Variants in CSMD1 observed in about 807,000 individuals in gnomAD.
CSMD1 encodes CUB and Sushi multiple domains 1, also known as CUB and sushi domain-containing protein 1.
In CSMD1, 213 loss-of-function variants were observed where a neutral mutation model predicts 417.5. The ratio of observed to expected loss-of-function variants is 0.51; its 90% CI spans 0.46 to 0.57. CSMD1 has a LOEUF of 0.57. CSMD1 is among the 20% of genes least tolerant of loss of function. The pLI is 0.00. For missense variants in CSMD1, 6,923 were observed against 4,529.7 expected, an observed-to-expected ratio of 1.53 and a Z score of -15.17; for synonymous variants, 2,862 against 1,736.8, an observed-to-expected ratio of 1.65 and a Z score of -16.11.
chr8:4,488,530 G>A (rs762955853), intron 2 of CSMD1, among the ~76,000 whole-genome samples: 4 of 152,124 alleles, frequency 2.6e-5, no homozygotes, highest in Non-Finnish European at 5.9e-5. Context: ...TTTCTACAAT[G>A]TTTTTAAACT....
intron 49 of CSMD1, among the ~76,000 whole-genome samples, chr8:3,067,011 T>G (rs908082815): frequency 2.0e-5 from 3 of 152,146 alleles, no homozygotes; most frequent in Admixed American, 6.6e-5. Flanking sequence ...TTTCAGAGGT[T>G]AACTGATTTA....
chr8:3,240,779 T>C (rs369130315), intron 26 of CSMD1, among the ~76,000 whole-genome samples: 2 of 152,122 alleles, frequency 1.3e-5, no homozygotes, highest in Non-Finnish European at 2.9e-5. Flanking sequence ...ACTGGGTGGA[T>C]AGGCAAAACA....
At chr8:2,976,591 C>T (rs757917632) in intron 55 of CSMD1, among the ~76,000 whole-genome samples, 1 of 152,160 alleles carries the variant, frequency 6.6e-6, no homozygotes, top group Non-Finnish European at 1.5e-5. Flanking sequence ...TCAAGAGATC[C>T]ACCTTCCCTG....
intron 3 of CSMD1, among the ~76,000 whole-genome samples, chr8:4,107,844 C>G (rs1206437386): frequency 6.6e-6 from 1 of 152,214 alleles, no homozygotes; most frequent in Non-Finnish European, 1.5e-5. Flanking sequence ...ACAGGCTGCA[C>G]ATTCTCTCTG....
At chr8:3,584,550 C>T (rs1800518793) in intron 9 of CSMD1, among the ~76,000 whole-genome samples, 1 of 152,046 alleles carries the variant, frequency 6.6e-6, no homozygotes, top group Non-Finnish European at 1.5e-5. Flanking sequence ...TGTGTGATAT[C>T]TTTGGGATAG....
At chr8:4,414,064 G>C (rs546916960) in intron 3 of CSMD1, among the ~76,000 whole-genome samples, 2 of 152,190 alleles carry the variant, frequency 1.3e-5, no homozygotes, top group East Asian at 1.9e-4. Context: ...CCTGCCAGGT[G>C]CATCATGCAT....
intron 5 of CSMD1, among the ~76,000 whole-genome samples, chr8:3,802,704 CT>C (rs1165328521): frequency 6.6e-6 from 1 of 152,144 alleles, no homozygotes; most frequent in Non-Finnish European, 1.5e-5. Context: ...AAATATAGTG[CT>C]TGACAATTTT....
At chr8:3,216,100 G>T (rs1382708005) in intron 29 of CSMD1, among the ~76,000 whole-genome samples, 1 of 150,380 alleles carries the variant, frequency 6.6e-6, no homozygotes, top group East Asian at 1.9e-4. Context: ...GAGATTAAAT[G>T]ATACATATAT....
At chr8:2,948,215 A>G (rs1802385610) in intron 68 of CSMD1, among the ~76,000 whole-genome samples, 1 of 152,096 alleles carries the variant, frequency 6.6e-6, no homozygotes, top group South Asian at 2.1e-4. Flanking sequence ...CTTTTGTGCA[A>G]AAAGAGCTGT....
intron 3 of CSMD1, among the ~76,000 whole-genome samples, chr8:4,189,189 C>T (rs1408021090): frequency 1.3e-5 from 2 of 152,164 alleles, no homozygotes; most frequent in Non-Finnish European, 2.9e-5. Context: ...ACGTAAGTGC[C>T]CAGCTATGCA....
At chr8:4,460,663 A>AT (rs1466999841) in intron 2 of CSMD1, among the ~76,000 whole-genome samples, 1 of 131,118 alleles carries the variant, frequency 7.6e-6, no homozygotes, top group Non-Finnish European at 1.5e-5. Context: ...TAAGAAGAAG[A>AT]CTGTAAGAGA....
intron 2 of CSMD1, among the ~76,000 whole-genome samples, chr8:4,607,941 C>T (rs1300348532): frequency 2.0e-5 from 3 of 152,296 alleles, no homozygotes; most frequent in East Asian, 1.9e-4. Flanking sequence ...GTCTCACTGA[C>T]ATCTGGCGAC....
rs567803005 is a variant in CSMD1, at chr8:3,885,798, T to G, written c.818+112105A>C. Among the ~76,000 whole-genome samples the G allele has an allele frequency of 2.0e-5, 3 of 152,294 alleles. No homozygotes were observed. In the South Asian group the frequency reaches 6.2e-4, roughly 32 times the overall value. On this transcript the variant is annotated intron_variant, in intron 5 of 69. Coordinates refer to ENST00000635120, the MANE Select transcript of CSMD1 (RefSeq NM_033225.6). ...ATTTATGACAGAAAGCTGACTTTCTTAAACAATCAGTTCTAGAATAAAAAT... is the reference window on the plus strand; with the variant it reads ...ATTTATGACAGAAAGCTGACTTTCTGAAACAATCAGTTCTAGAATAAAAAT...
chr8:4,946,514 C>T (rs542489582), intron 1 of CSMD1, among the ~76,000 whole-genome samples: 12 of 152,220 alleles, frequency 7.9e-5, no homozygotes, highest in Non-Finnish European at 1.2e-4. Context: ...AGCCATCCCC[C>T]CAGCTGCCTC....
intron 3 of CSMD1, among the ~76,000 whole-genome samples, chr8:4,073,102 C>G (rs192863646): frequency 2.9e-4 from 44 of 152,218 alleles, no homozygotes; most frequent in African/African-American, 9.6e-4. Context: ...GTCTTATTTC[C>G]TGTTACCATC....
chr8:4,444,328 C>G (rs1439177531), intron 2 of CSMD1, among the ~76,000 whole-genome samples: 3 of 106,834 alleles, frequency 2.8e-5, no homozygotes, highest in African/African-American at 1.2e-4. Context: ...GCCTGGGCTA[C>G]AGAGTGAGAC....
At chr8:3,394,012 T>TAAATTATATATA (rs1554536992) in intron 17 of CSMD1, among the ~76,000 whole-genome samples, 5 of 31,612 alleles carry the variant, frequency 1.6e-4, no homozygotes, top group East Asian at 8.0e-4. Flanking sequence ...AAAAAATAAA[T>TAAATTATATATA]TATATATATA....
At chr8:3,922,697 G>A (rs1302650347) in intron 5 of CSMD1, among the ~76,000 whole-genome samples, 1 of 151,944 alleles carries the variant, frequency 6.6e-6, no homozygotes, top group African/African-American at 2.4e-5. Context: ...ATTTTATGTT[G>A]TTGATATTAC....
chr8:3,824,995 T>C (rs138271463), intron 5 of CSMD1, among the ~76,000 whole-genome samples: 156 of 152,306 alleles, frequency 1.0e-3, no homozygotes, highest in East Asian at 9.5e-3. Context: ...TTTTAAAATT[T>C]TTAAATATGA....
Sources: gnomAD v4.1 joint callset for allele counts (sites outside exome capture counted in the v4.1 genomes callset) on GRCh38, gnomAD v4.1.1 for gene constraint, MANE v1.5 for transcripts, NCBI Gene and HGNC (gene_info 2026-07-23, HGNC 2026-07-21) for gene names.